MAN1A2: variants seen among roughly 807,000 people sequenced by gnomAD.
The protein encoded by MAN1A2 is mannosidase alpha class 1A member 2, also known as mannosyl-oligosaccharide 1,2-alpha-mannosidase IB.
MAN1A2 carries 26 observed loss-of-function variants against 75.7 expected under a neutral mutation model. The ratio of observed to expected loss-of-function variants is 0.34; its 90% CI spans 0.25 to 0.48. MAN1A2 has a LOEUF of 0.48. MAN1A2 is among the 20% of genes least tolerant of loss of function. The probability of loss-of-function intolerance (pLI) is 0.99; values close to 1 mark genes in which losing one functional copy is unlikely to be tolerated. For synonymous variants in MAN1A2, 247 were observed against 264.6 expected, an observed-to-expected ratio of 0.93 and a Z score of 0.65; for missense variants, 562 against 775.5, an observed-to-expected ratio of 0.72 and a Z score of 3.27.
At chr1:117,415,077 C>T (rs1169214358) in intron 4 of MAN1A2, among the ~76,000 whole-genome samples, 5 of 151,826 alleles carry the variant, frequency 3.3e-5, no homozygotes. Flanking sequence ...GATGAATTTT[C>T]ATAGTTAGGC....
intron 5 of MAN1A2, among the ~76,000 whole-genome samples, chr1:117,437,935 A>C (rs1648897431): frequency 6.6e-6 from 1 of 152,204 alleles, no homozygotes; most frequent in East Asian, 1.9e-4. Flanking sequence ...ACACTTGTTG[A>C]GCATCTGCTA....
At chr1:117,459,404 C>G (rs763109974) in intron 6 of MAN1A2, among the ~76,000 whole-genome samples, 10 of 152,046 alleles carry the variant, frequency 6.6e-5, no homozygotes, top group Non-Finnish European at 1.5e-4. Flanking sequence ...CAGCCACATG[C>G]TAGTGGGGAA....
At chr1:117,373,150 T>G (rs201234271) in intron 1 of MAN1A2, among the ~76,000 whole-genome samples, 153 of 125,560 alleles carry the variant, frequency 1.2e-3, no homozygotes, top group African/African-American at 4.0e-3. Flanking sequence ...ATGATTCGTG[T>G]TTTTTTTTTG....
chr1:117,401,983 CAG>C (rs1647443776), intron 1 of MAN1A2, among the ~76,000 whole-genome samples: 1 of 152,122 alleles, frequency 6.6e-6, no homozygotes, highest in African/African-American at 2.4e-5. Context: ...AGATTATAAA[CAG>C]AGTTTGATCT....
chr1:117,368,591 A>C, intron 1 of MAN1A2, 106 bp downstream of exon 1: 1 of 1,049,420 alleles, frequency 9.5e-7, no homozygotes, highest in Non-Finnish European at 1.4e-6. Flanking sequence ...TAATTTTTCG[A>C]GTCATAAATA....
chr1:117,454,264 TTGTTAAACAGC>T (rs1649511622), intron 6 of MAN1A2, among the ~76,000 whole-genome samples: 1 of 152,168 alleles, frequency 6.6e-6, no homozygotes. Context: ...TTTTTCAGAT[TTGTTAAACAGC>T]TGTAAATTCA....
chr1:117,386,049 C>T (rs1247261160), intron 1 of MAN1A2, among the ~76,000 whole-genome samples: 1 of 152,156 alleles, frequency 6.6e-6, no homozygotes, highest in East Asian at 1.9e-4. Flanking sequence ...AATACCCTTG[C>T]TGCTAGATGT....
chr1:117,415,571 CAAAG>C (rs1471491296), intron 4 of MAN1A2, among the ~76,000 whole-genome samples: 1 of 152,026 alleles, frequency 6.6e-6, no homozygotes, highest in African/African-American at 2.4e-5. Flanking sequence ...GGACGTATCT[CAAAG>C]AGAACAATTT....
At chr1:117,409,473 T>C (rs912950278) in intron 3 of MAN1A2, among the ~76,000 whole-genome samples, 6 of 152,132 alleles carry the variant, frequency 3.9e-5, no homozygotes, top group African/African-American at 1.4e-4. Context: ...TTGGTTTGCT[T>C]TTAGACACAG....
At chr1:117,493,051 A>AC in intron 8 of MAN1A2, 96 bp from the exon 9 acceptor site, 1 of 655,258 alleles carries the variant, frequency 1.5e-6, no homozygotes, top group Non-Finnish European at 2.7e-6. Context: ...AAAATTATTG[A>AC]CCTCTAACAT....
chr1:117,505,570 AAG>A (rs1474700136), intron 12 of MAN1A2, among the ~76,000 whole-genome samples: 1 of 151,300 alleles, frequency 6.6e-6, no homozygotes, highest in African/African-American at 2.4e-5. Context: ...GTCAAACAAA[AAG>A]AAACATACAA....
chr1:117,520,980 A>G (rs1031873361), intron 12 of MAN1A2, among the ~76,000 whole-genome samples: 4 of 152,130 alleles, frequency 2.6e-5, no homozygotes, highest in African/African-American at 7.2e-5. Context: ...ACACAGACCA[A>G]TGGAACAGAA....
At chr1:117,500,893 T>C (rs751269862) in intron 11 of MAN1A2, among the ~76,000 whole-genome samples, 8 of 151,834 alleles carry the variant, frequency 5.3e-5, no homozygotes, top group Non-Finnish European at 8.8e-5. Flanking sequence ...AATTAAGCAC[T>C]CTTTCATGTA....
At chr1:117,442,471 G>T in intron 6 of MAN1A2, 146 bp downstream of exon 6, 1 of 568,360 alleles carries the variant, frequency 1.8e-6, no homozygotes, top group Non-Finnish European at 3.1e-6. Context: ...TTGTGTATAT[G>T]CATAAATGTG....
Position 117,524,280 on chromosome 1 carries a change from A to G in MAN1A2, c.*1323A>G, listed in dbSNP as rs940282588. The G allele has an allele frequency of 6.6e-6, 1 of 152,228 alleles. No individual in the cohort carries two copies. The highest frequency in any genetic ancestry group is 1.5e-5 in the Non-Finnish European group (1 of 67,828). 9.4% of individuals were successfully genotyped at this position (152,228 alleles called of 1,614,324 possible). A position where few individuals can be genotyped will look rare whatever the true frequency, so the allele number is the denominator to read the frequency against. ...TTTGCATTGATATTTCTTTTTAAAT[A>G]AACTACTAGTTCTTTATATTTTGAC... On this transcript the variant is annotated 3_prime_UTR_variant, in exon 13 of 13. Coordinates refer to ENST00000356554, the MANE Select transcript of MAN1A2 (RefSeq NM_006699.5).
rs546176246 is a variant in MAN1A2 at position 117,496,311 on chromosome 1, A to T, written c.1285-452A>T. Among the ~76,000 whole-genome samples, 4 of 152,104 alleles carry T rather than the reference A, an allele frequency of 2.6e-5. No homozygotes were observed. In the East Asian group the frequency reaches 7.8e-4, roughly 30 times the overall value. ...AAGCTCTTGAAAATCTCATTTTAAAACTGAAATGTGATTGTTATACTCTGA... is the reference window on the plus strand; with the variant it reads ...AAGCTCTTGAAAATCTCATTTTAAATCTGAAATGTGATTGTTATACTCTGA... On this transcript the variant is annotated intron_variant, in intron 9 of 12. Coordinates refer to ENST00000356554, the MANE Select transcript of MAN1A2 (RefSeq NM_006699.5).
chr1:117,458,860 A>C (rs985125446), intron 6 of MAN1A2, among the ~76,000 whole-genome samples: 7 of 152,176 alleles, frequency 4.6e-5, no homozygotes, highest in Admixed American at 4.6e-4. Context: ...AAAAAATAAG[A>C]CAAGATCCTA....
intron 1 of MAN1A2, among the ~76,000 whole-genome samples, chr1:117,371,265 AAAGGAACATTTTAT>A (rs1388987605): frequency 6.6e-6 from 1 of 152,252 alleles, no homozygotes; most frequent in Non-Finnish European, 1.5e-5. Context: ...CTTATTGTCT[AAAGGAACATTTTAT>A]AACCAAACTG....
At chr1:117,513,774 C>G (rs1030441635) in intron 12 of MAN1A2, among the ~76,000 whole-genome samples, 3 of 151,942 alleles carry the variant, frequency 2.0e-5, no homozygotes, top group Admixed American at 1.3e-4. Context: ...AATATTGTTG[C>G]CTGCAGTTTA....
Sources: gnomAD v4.1 joint callset for allele counts (sites outside exome capture counted in the v4.1 genomes callset) on GRCh38, gnomAD v4.1.1 for gene constraint, MANE v1.5 for transcripts, NCBI Gene and HGNC (gene_info 2026-07-23, HGNC 2026-07-21) for gene names.